KNDC1: variants seen among roughly 807,000 people sequenced by gnomAD.
KNDC1 encodes the protein kinase non-catalytic C-lobe domain-containing protein 1.
Under a neutral mutation model 172.8 loss-of-function variants are expected in KNDC1, and 106 were observed. The observed-to-expected ratio is 0.61, with a 90% CI of 0.52 to 0.72. The LOEUF (loss-of-function observed/expected upper bound fraction) is 0.72, where lower values mean the gene tolerates loss of function less well. Among genes scored for constraint, KNDC1 ranks in the 30% least tolerant of loss-of-function variants. The pLI is 0.00. For synonymous variants in KNDC1, 1,083 were observed against 1,062.2 expected (o/e 1.02, Z -0.38); for missense variants, 2,325 against 2,394.5 (o/e 0.97, Z 0.61).
chr10:133,213,902 A>T, intron 25 of KNDC1, 70 bp from the exon 26 acceptor site: 2 of 1,586,228 alleles, frequency 1.3e-6, no homozygotes, highest in South Asian at 2.2e-5. Context: ...ACCCTGCACC[A>T]GCAGCCCCAG....
intron 9 of KNDC1, among the ~76,000 whole-genome samples, chr10:133,191,033 TAA>T (rs1374021545): frequency 1.3e-5 from 2 of 152,048 alleles, no homozygotes; most frequent in Non-Finnish European, 2.9e-5. Flanking sequence ...TTTGGAGTAA[TAA>T]AAAAGAGTTT....
rs1854266566 is a variant in KNDC1 at position 133,198,639 on chromosome 10, G to A, written c.2131G>A (p.Gly711Ser). The change falls in exon 14 of 30, where the codon GGT (glycine) becomes AGT (serine). Residue 711 changes from glycine (G) to serine (S), a missense_variant. Transcript: ENST00000304613. ...GAGGGGCGGCCAGAGGGAGGGAGAA[G>A]GTGAGGAGAAGCTCTCCCTGGAGGC... Reference protein sequence around the residue: ...EERGGQREGEGEEKLSLEAHA... With the variant: ...EERGGQREGESEEKLSLEAHA... 1 of 1,606,196 alleles carries A rather than the reference G, an allele frequency of 6.2e-7. No individual in the cohort carries two copies.
chr10:133,206,589 A>G, intron 17 of KNDC1, 96 bp from the exon 18 acceptor site: 3 of 1,001,034 alleles, frequency 3.0e-6, no homozygotes, highest in Non-Finnish European at 4.7e-6. Flanking sequence ...CTGATCTCCA[A>G]GGCCAAGGAG....
At chr10:133,180,114 C>T (rs906002441) in intron 3 of KNDC1, among the ~76,000 whole-genome samples, 3 of 152,258 alleles carry the variant, frequency 2.0e-5, no homozygotes, top group Non-Finnish European at 2.9e-5. Context: ...GGCTGCTCTT[C>T]GCCGGTGGCT....
chr10:133,191,826 C>T (rs1386410180), intron 9 of KNDC1, among the ~76,000 whole-genome samples: 2 of 152,236 alleles, frequency 1.3e-5, no homozygotes, highest in African/African-American at 2.4e-5. Flanking sequence ...ACTGCGGCCC[C>T]GCCCAGCAAG....
intron 6 of KNDC1, 117 bp downstream of exon 6, chr10:133,186,791 C>A: frequency 1.4e-6 from 1 of 726,558 alleles, no homozygotes; most frequent in South Asian, 2.0e-5. Context: ...TTCACCCTCG[C>A]TCCATAATTA....
At chr10:133,182,239 G>A (rs1219255617) in intron 3 of KNDC1, among the ~76,000 whole-genome samples, 1 of 152,170 alleles carries the variant, frequency 6.6e-6, no homozygotes, top group Non-Finnish European at 1.5e-5. Context: ...GGGTCTCAGG[G>A]TTCTGTGACG....
chr10:133,219,178 C>G (rs903295240), intron 28 of KNDC1, 88 bp downstream of exon 28: 1 of 1,457,198 alleles, frequency 6.9e-7, no homozygotes, highest in Non-Finnish European at 9.4e-7. Context: ...CGCACCCAGA[C>G]GCAGGCACCA....
At position 133,209,069 on chromosome 10, in the gene KNDC1, G is replaced by C. The variant is rs912318334; in HGVS notation, c.3795-1542G>C. On this transcript the variant is annotated intron_variant, in intron 20 of 29. Transcript: ENST00000304613. This position sits in a 1 kb window ranked among gnomAD's most constrained non-coding sequence, Gnocchi z 4.9. ...GAGGTATAGTGTGATGTGTGTGCAT[G>C]TGTGGGGTGATGTGTGGCTTGCGTG... Among the ~76,000 whole-genome samples, 1 of 151,558 alleles carries C rather than the reference G, an allele frequency of 6.6e-6. No individual in the cohort carries two copies. The highest frequency in any genetic ancestry group is 1.5e-5 in the Non-Finnish European group (1 of 67,898).
intron 3 of KNDC1, among the ~76,000 whole-genome samples, chr10:133,171,610 G>T (rs146908595): frequency 6.6e-6 from 1 of 151,638 alleles, no homozygotes; most frequent in African/African-American, 2.4e-5. Flanking sequence ...TTTTCTGTTT[G>T]TTTGTTGCTA....
At chr10:133,202,719 A>G in intron 17 of KNDC1, 1 of 454,556 alleles carries the variant, frequency 2.2e-6, no homozygotes, top group Non-Finnish European at 4.4e-6. Context: ...AGTCCAGAAC[A>G]TGACCCGGTG....
chr10:133,206,740 T>A lies in KNDC1; in HGVS notation c.3443T>A (p.Phe1148Tyr). The change falls in exon 18 of 30, where the codon TTC becomes TAC. Residue 1148 changes from phenylalanine (F) to tyrosine (Y), a missense_variant. Transcript: ENST00000304613. ...AGAAACTACCGCAAGACCCTGAAGT[T>A]CTACCAGAAACTCTTACAGAAGGAA... ...EKRNYRKTLK[F>Y]YQKLLQKEKR... 1 of 1,614,078 alleles carries A rather than the reference T, an allele frequency of 6.2e-7. No homozygotes were observed. Among genetic ancestry groups the A allele is most frequent in the Non-Finnish European group, 8.5e-7 (1 of 1,180,022 alleles).
chr10:133,198,321 C>T lies in KNDC1; in HGVS notation c.1907-16C>T. ...CCACTCCGCCCGCCCACACCCTCAG[C>T]CCCCTGGCTCCCCAGGCTTCCTGCC... On this transcript the variant is annotated splice_polypyrimidine_tract_variant and intron_variant, in intron 12 of 29. Transcript: ENST00000304613. The T allele has an allele frequency of 6.4e-7, 1 of 1,551,668 alleles. No homozygotes were observed. The highest frequency in any genetic ancestry group is 1.7e-4 in the Middle Eastern group (1 of 5,922).
Position 133,163,423 on chromosome 10 carries a change from C to T in KNDC1, c.102+2854C>T, listed in dbSNP as rs1253542219. On this transcript the variant is annotated intron_variant, in intron 1 of 29. Transcript: ENST00000304613. The surrounding 1 kb of genome is among the most constrained non-coding windows in gnomAD (Gnocchi z 4.4). ...TGGGGGCTCCCAGTAAAGAAGAGGA[C>T]GTCCCCGCTGCAGGGTCCATATGAC... 1.3e-5 allele frequency among the ~76,000 whole-genome samples: 2 copies of T among 152,092 alleles called. No homozygotes were observed. Among genetic ancestry groups the T allele is most frequent in the South Asian group, 2.1e-4 (1 of 4,816 alleles).
rs1379163543 is a variant in KNDC1 at position 133,207,159 on chromosome 10, G to C, written c.3602G>C (p.Gly1201Ala). ...YLQVMYAERW[G>A]LEPCTLPVIV... ...CAGGTCATGTACGCGGAACGCTGGG[G>C]CCTGGAGCCCTGCACCCTCCCAGTG... Residue 1201 changes from glycine to alanine, a missense_variant, in exon 20 of 30, where the codon GGC becomes GCC. Gly to Ala is a moderately conservative substitution (Grantham distance 60, BLOSUM62 0). Coordinates refer to ENST00000304613, the MANE Select transcript of KNDC1 (RefSeq NM_152643.8). 1 of 1,600,630 alleles carries C rather than the reference G, an allele frequency of 6.2e-7. No individual in the cohort carries two copies. Among genetic ancestry groups the C allele is most frequent in the Admixed American group, 1.7e-5 (1 of 57,608 alleles).
In KNDC1 at chr10:133,197,762, A is replaced by G; in HGVS notation, c.1900A>G (p.Ser634Gly). 1 of 1,611,386 alleles carries G rather than the reference A, an allele frequency of 6.2e-7. No homozygotes were observed. Among genetic ancestry groups the G allele is most frequent in the Non-Finnish European group, 8.5e-7 (1 of 1,179,516 alleles). The change falls in exon 12 of 30, where the codon AGC (serine) becomes GGC (glycine). Residue 634 changes from serine to glycine, a missense_variant. By Grantham distance (56) the Ser-to-Gly change is moderately conservative. Transcript: ENST00000304613. Reference protein sequence around the residue: ...KPSVAPAPEPSPGFLPVNSDT... With the variant: ...KPSVAPAPEPGPGFLPVNSDT... ...CAGTGTGGCACCAGCCCCAGAGCCCAGCCCAGGTGGGGACCTGACCAGCCC... is the reference window on the plus strand; with the variant it reads ...CAGTGTGGCACCAGCCCCAGAGCCCGGCCCAGGTGGGGACCTGACCAGCCC...
At position 133,209,262 on chromosome 10, in the gene KNDC1, G is replaced by A. The variant is rs533833150; in HGVS notation, c.3795-1349G>A. Among the ~76,000 whole-genome samples the A allele has an allele frequency of 5.8e-5, 8 of 138,432 alleles. No homozygotes were observed. The highest frequency in any genetic ancestry group is 3.7e-3 in the Middle Eastern group (1 of 270). The allele number at this position is 138,432 out of a possible 152,430, so 90.8% of individuals were successfully genotyped here. A position where few individuals can be genotyped will look rare whatever the true frequency, so the allele number is the denominator to read the frequency against. On this transcript the variant is annotated intron_variant, in intron 20 of 29. Transcript: ENST00000304613. This position sits in a 1 kb window ranked among gnomAD's most constrained non-coding sequence, Gnocchi z 4.9. ...TGCACATGTGTGGTGTGTGGTATGC[G>A]GTAGTGTGTGTGTGGTGTGTGGAGT...
chr10:133,219,000 C>T lies in KNDC1; in HGVS notation c.4801-31C>T, dbSNP rs762149039. The T allele has an allele frequency of 2.0e-5, 32 of 1,613,696 alleles. No homozygotes were observed. In the Admixed American group the frequency reaches 4.0e-4, roughly 20 times the overall value. ...AGGCGGGGGTGGGTACCCGCACGGCCGCAGGAGGCTCACCTGTGCTTTCAT... is the reference window on the plus strand; with the variant it reads ...AGGCGGGGGTGGGTACCCGCACGGCTGCAGGAGGCTCACCTGTGCTTTCAT... On this transcript the variant is annotated intron_variant, in intron 27 of 29. Transcript: ENST00000304613.
chr10:133,170,877 C>G (rs1395777573), intron 3 of KNDC1, among the ~76,000 whole-genome samples: 2 of 152,172 alleles, frequency 1.3e-5, no homozygotes, highest in Non-Finnish European at 2.9e-5. Context: ...CCTAACTCCA[C>G]TGTCCGCTCA....
Sources: gnomAD v4.1 joint callset for allele counts (sites outside exome capture counted in the v4.1 genomes callset) on GRCh38, gnomAD v4.1.1 for gene constraint, Gnocchi (gnomAD v3.1) non-coding constraint, MANE v1.5 for transcripts, NCBI Gene and HGNC (gene_info 2026-07-23, HGNC 2026-07-21) for gene names.